Variants in KCNIP4 observed in about 807,000 individuals in gnomAD.
KCNIP4 encodes potassium voltage-gated channel interacting protein 4, also known as Kv channel-interacting protein 4.
Under a neutral mutation model 34.0 loss-of-function variants are expected in KCNIP4, and 12 were observed. That is an observed-to-expected ratio of 0.35 (90% CI 0.23 to 0.57). KCNIP4 has a LOEUF of 0.57. Among genes scored for constraint, KCNIP4 ranks in the 20% least tolerant of loss-of-function variants. KCNIP4 has a pLI of 0.83. For missense variants in KCNIP4, 238 were observed against 311.7 expected (o/e 0.76, Z 1.78); for synonymous variants, 124 against 102.2 (o/e 1.21, Z -1.29).
intron 1 of KCNIP4, among the ~76,000 whole-genome samples, chr4:21,017,760 T>C (rs1343923734): frequency 3.9e-5 from 6 of 152,188 alleles, no homozygotes; most frequent in Admixed American, 3.9e-4. Context: ...CTTTGAAGAA[T>C]GGCCACACTG....
chr4:21,109,280 T>A (rs1218244002), intron 1 of KCNIP4, among the ~76,000 whole-genome samples: 4 of 152,226 alleles, frequency 2.6e-5, no homozygotes, highest in Non-Finnish European at 5.9e-5. Context: ...GGCTGCTTTG[T>A]TTACCTAAGC....
At chr4:21,479,773 A>G (rs572510929) in intron 1 of KCNIP4, among the ~76,000 whole-genome samples, 8 of 152,152 alleles carry the variant, frequency 5.3e-5, no homozygotes, top group African/African-American at 1.7e-4. Context: ...TATGCACAAA[A>G]TAAATAAAAT....
intron 1 of KCNIP4, among the ~76,000 whole-genome samples, chr4:20,982,707 A>C (rs1411817773): frequency 6.6e-6 from 1 of 152,244 alleles, no homozygotes; most frequent in Non-Finnish European, 1.5e-5. Flanking sequence ...CATCATTAAC[A>C]TATTAAGAGA....
chr4:20,782,525 C>T (rs894906401), intron 3 of KCNIP4, among the ~76,000 whole-genome samples: 2 of 152,202 alleles, frequency 1.3e-5, no homozygotes, highest in Admixed American at 6.5e-5. Context: ...CTCAACACCA[C>T]ATGGAAGCTG....
chr4:21,370,878 CACACGT>C lies in KCNIP4; in HGVS notation c.62-488175_62-488170del, dbSNP rs1156456677. 4.7e-4 allele frequency among the ~76,000 whole-genome samples: 33 copies of C among 69,722 alleles called. 5 individuals are homozygous for C. Among genetic ancestry groups the C allele is most frequent in the East Asian group, 1.9e-3 (4 of 2,154 alleles). 45.7% of individuals were successfully genotyped at this position (69,722 alleles called of 152,430 possible). On this transcript the variant is annotated intron_variant, in intron 1 of 8. Coordinates refer to ENST00000382152, the MANE Select transcript of KCNIP4 (RefSeq NM_025221.6). The stretch of plus-strand genomic sequence containing the variant: ...ACACACACACACACACACACACACA[CACACGT>C]GTGTGTGTGTGTGTGTGTATTAGCA...
At chr4:21,612,594 T>C (rs1042929233) in intron 1 of KCNIP4, among the ~76,000 whole-genome samples, 11 of 152,228 alleles carry the variant, frequency 7.2e-5, no homozygotes, top group Non-Finnish European at 1.0e-4. Flanking sequence ...TTAAGCCACA[T>C]TGGCATACTC....
Position 21,041,247 on chromosome 4 carries a change from C to CCCACACACAT in KCNIP4, c.62-158539_62-158538insATGTGTGTGG, listed in dbSNP as rs1560670030. ...TATATATTTCACACACACACACACA[C>CCCACACACAT]ACACACACACACACACACGCACATG... is the stretch of plus-strand genomic sequence containing the variant. On this transcript the variant is annotated intron_variant, in intron 1 of 8. Transcript: ENST00000382152. 3.0e-3 allele frequency among the ~76,000 whole-genome samples: 460 copies of CCCACACACAT among 151,954 alleles called. 1 individual carries two copies. Among genetic ancestry groups the CCCACACACAT allele is most frequent in the African/African-American group, 0.01 (434 of 41,440 alleles).
At chr4:20,776,006 TA>T in intron 3 of KCNIP4, among the ~76,000 whole-genome samples, 1 of 152,340 alleles carries the variant, frequency 6.6e-6, no homozygotes, top group African/African-American at 2.4e-5. Context: ...TGTCTTCTGA[TA>T]AAGGTCCAGA....
intron 3 of KCNIP4, among the ~76,000 whole-genome samples, chr4:20,775,230 AT>A (rs1295466268): frequency 6.6e-6 from 1 of 152,200 alleles, no homozygotes; most frequent in Non-Finnish European, 1.5e-5. Context: ...TTCAACATAT[AT>A]GGCGATTAAA....
At chr4:21,126,631 AAG>A (rs1239315417) in intron 1 of KCNIP4, among the ~76,000 whole-genome samples, 19,911 of 142,438 alleles carry the variant, frequency 0.14, 1,482 homozygotes, top group East Asian at 0.19. Flanking sequence ...AAAAAAAAAA[AAG>A]AAAAGAAAAA....
intron 1 of KCNIP4, among the ~76,000 whole-genome samples, chr4:21,870,734 A>T (rs62301420): frequency 6.6e-6 from 1 of 152,172 alleles, no homozygotes; most frequent in East Asian, 1.9e-4. Context: ...TGTGTGGCAA[A>T]GTCAAGAACC....
At chr4:20,848,395 G>A (rs1342424397) in intron 3 of KCNIP4, among the ~76,000 whole-genome samples, 2 of 151,604 alleles carry the variant, frequency 1.3e-5, no homozygotes, top group Non-Finnish European at 2.9e-5. Flanking sequence ...GAAATAAGAG[G>A]TGGGGTCAGA....
At chr4:21,020,958 C>T (rs2149747593) in intron 1 of KCNIP4, among the ~76,000 whole-genome samples, 1 of 152,242 alleles carries the variant, frequency 6.6e-6, no homozygotes, top group African/African-American at 2.4e-5. Flanking sequence ...TCATGCTTTG[C>T]TTAAGGATGA....
chr4:21,335,056 G>A (rs1453265855), intron 1 of KCNIP4, among the ~76,000 whole-genome samples: 1 of 151,852 alleles, frequency 6.6e-6, no homozygotes, highest in African/African-American at 2.4e-5. Context: ...GGAAAGCTCT[G>A]CCCCTGAAAG....
rs144934247 is a variant in KCNIP4 at position 21,723,378 on chromosome 4, A to G, written c.61+225193T>C. On this transcript the variant is annotated intron_variant, in intron 1 of 8. Coordinates refer to ENST00000382152, the MANE Select transcript of KCNIP4 (RefSeq NM_025221.6). ...TGCTGCTTCTCCTTTTTTTGTGTGC[A>G]GCAACCTCACTTCTGATGAGCTTTT... Among the ~76,000 whole-genome samples the G allele has an allele frequency of 1.2e-3, 187 of 152,246 alleles. 1 individual carries two copies. Among genetic ancestry groups the G allele is most frequent in the African/African-American group, 4.3e-3 (177 of 41,570 alleles).
intron 1 of KCNIP4, among the ~76,000 whole-genome samples, chr4:21,170,005 C>G (rs1161733067): frequency 6.6e-6 from 1 of 152,132 alleles, no homozygotes; most frequent in Admixed American, 6.5e-5. Flanking sequence ...AAACTTCTGT[C>G]TATCAGAGCC....
intron 3 of KCNIP4, among the ~76,000 whole-genome samples, chr4:20,814,217 C>G (rs755552688): frequency 3.9e-5 from 6 of 152,164 alleles, no homozygotes; most frequent in Non-Finnish European, 8.8e-5. Context: ...GATAAGATGT[C>G]CAGATGATTT....
chr4:20,980,606 C>G (rs1735970018), intron 1 of KCNIP4, among the ~76,000 whole-genome samples: 1 of 152,082 alleles, frequency 6.6e-6, no homozygotes, highest in Non-Finnish European at 1.5e-5. Flanking sequence ...ACTGCTTTAT[C>G]TCAACATTAA....
chr4:20,904,519 T>C (rs1448619093), intron 1 of KCNIP4, among the ~76,000 whole-genome samples: 1 of 151,992 alleles, frequency 6.6e-6, no homozygotes, highest in African/African-American at 2.4e-5. Flanking sequence ...TTTAAAAAGA[T>C]GGGTGCTTAA....
Sources: gnomAD v4.1 joint callset for allele counts (sites outside exome capture counted in the v4.1 genomes callset) on GRCh38, gnomAD v4.1.1 for gene constraint, MANE v1.5 for transcripts, NCBI Gene and HGNC (gene_info 2026-07-23, HGNC 2026-07-21) for gene names.